The following CNTN4 variants were observed in gnomAD, a reference collection of about 807,000 sequenced individuals.
The protein encoded by CNTN4 is contactin-4.
In CNTN4, 77 loss-of-function variants were observed where a neutral mutation model predicts 122.5. The observed-to-expected ratio is 0.63, with a 90% CI of 0.52 to 0.76. CNTN4 has a LOEUF of 0.76. Among genes scored for constraint, CNTN4 ranks in the 30% least tolerant of loss-of-function variants. The pLI is 0.00. For synonymous variants in CNTN4, 512 were observed against 447.0 expected, an observed-to-expected ratio of 1.15 and a Z score of -1.83; for missense variants, 1,256 against 1,259.1, an observed-to-expected ratio of 1.00 and a Z score of 0.04.
chr3:2,946,143 C>G (rs1031859335), intron 13 of CNTN4, among the ~76,000 whole-genome samples: 2 of 152,086 alleles, frequency 1.3e-5, no homozygotes, highest in African/African-American at 4.8e-5. Context: ...TTTCAGCCAT[C>G]CCTGGGGGAT....
intron 3 of CNTN4, among the ~76,000 whole-genome samples, chr3:2,390,648 A>G (rs924021991): frequency 2.0e-5 from 3 of 152,226 alleles, no homozygotes; most frequent in African/African-American, 7.2e-5. Flanking sequence ...TTTTCTATAC[A>G]GCTACTGGTT....
At chr3:2,973,544 G>A (rs1499138) in intron 13 of CNTN4, among the ~76,000 whole-genome samples, 3,017 of 152,064 alleles carry the variant, frequency 0.02, 69 homozygotes, top group South Asian at 0.12. Flanking sequence ...AGTAATCTCT[G>A]ACCTCTACCC....
chr3:2,854,100 A>G (rs2093590576), intron 7 of CNTN4, among the ~76,000 whole-genome samples: 1 of 152,154 alleles, frequency 6.6e-6, no homozygotes, highest in Non-Finnish European at 1.5e-5. Context: ...AGGTCCAAAT[A>G]AAAGAACAAA....
intron 7 of CNTN4, among the ~76,000 whole-genome samples, chr3:2,834,551 T>C (rs1292370755): frequency 6.6e-6 from 1 of 152,020 alleles, no homozygotes; most frequent in Admixed American, 6.6e-5. Flanking sequence ...TGGGCAACAC[T>C]GCGAGACTCC....
chr3:2,176,345 T>C (rs1299682311), intron 2 of CNTN4, among the ~76,000 whole-genome samples: 1 of 152,162 alleles, frequency 6.6e-6, no homozygotes, highest in African/African-American at 2.4e-5. Flanking sequence ...CTAAATAGAA[T>C]ATATATACCA....
chr3:2,313,138 C>CA (rs1336348690), intron 2 of CNTN4, among the ~76,000 whole-genome samples: 49 of 151,494 alleles, frequency 3.2e-4, no homozygotes, highest in Non-Finnish European at 3.5e-4. Flanking sequence ...GAAATAGAAA[C>CA]AAAAAATAGA....
chr3:2,324,668 A>C (rs1383894953), intron 2 of CNTN4, among the ~76,000 whole-genome samples: 1 of 152,058 alleles, frequency 6.6e-6, no homozygotes, highest in African/African-American at 2.4e-5. Flanking sequence ...CCTACCCCAA[A>C]AGGTAAAGGA....
chr3:2,625,672 C>T (rs2082156910), intron 4 of CNTN4, among the ~76,000 whole-genome samples: 1 of 152,122 alleles, frequency 6.6e-6, no homozygotes. Flanking sequence ...ATCTGTTTAT[C>T]TTATTTTCAC....
At chr3:2,208,776 C>T (rs1293265631) in intron 2 of CNTN4, among the ~76,000 whole-genome samples, 3 of 152,110 alleles carry the variant, frequency 2.0e-5, no homozygotes, top group Non-Finnish European at 2.9e-5. Context: ...TAGTCAGCAG[C>T]CATAATACTG....
At chr3:2,890,338 A>G (rs1401518804) in intron 10 of CNTN4, among the ~76,000 whole-genome samples, 2 of 152,162 alleles carry the variant, frequency 1.3e-5, no homozygotes, top group Non-Finnish European at 2.9e-5. Context: ...TAGGTCTCCA[A>G]TTTAAATGAA....
intron 2 of CNTN4, among the ~76,000 whole-genome samples, chr3:2,178,453 A>T (rs11129013): frequency 0.21 from 24,600 of 117,710 alleles, 3,087 homozygotes; most frequent in East Asian, 0.41. Context: ...TGTGATTTAG[A>T]AAAAAAAAAT....
At chr3:2,957,535 C>T (rs926664615) in intron 13 of CNTN4, among the ~76,000 whole-genome samples, 6 of 152,022 alleles carry the variant, frequency 3.9e-5, no homozygotes, top group African/African-American at 1.5e-4. Context: ...CAGATGACCC[C>T]GTCACGCATG....
At position 2,722,476 on chromosome 3, in the gene CNTN4, C is replaced by T. The variant is rs538334821; in HGVS notation, c.56-13739C>T. ...AGAAGGTCACAGTCATCCACCTTCT[C>T]TGTGGCTAGAGGTGTATGGGAAGGG... On this transcript the variant is annotated intron_variant, in intron 4 of 24. Coordinates refer to ENST00000418658, the MANE Select transcript of CNTN4 (RefSeq NM_175607.3). Among the ~76,000 whole-genome samples, 14 of 152,292 alleles carry T rather than the reference C, an allele frequency of 9.2e-5. 1 individual carries two copies. The South Asian group carries it at 2.9e-3, about 32-fold the overall frequency.
chr3:2,377,300 A>T (rs1184250547), intron 3 of CNTN4, among the ~76,000 whole-genome samples: 1 of 152,198 alleles, frequency 6.6e-6, no homozygotes. Context: ...AATGGGTTGC[A>T]TTGAACTCTC....
chr3:2,585,688 G>A, intron 4 of CNTN4, among the ~76,000 whole-genome samples: 1 of 129,908 alleles, frequency 7.7e-6, no homozygotes, highest in Non-Finnish European at 1.6e-5. Context: ...GGGGCCTGTT[G>A]TGGGGTGGGG....
Position 2,483,113 on chromosome 3 carries a change from C to T in CNTN4, c.-88-88303C>T, listed in dbSNP as rs548921265. Reference sequence around the variant, plus strand: ...AGGAGGGGTGCTATACCCTGCAAAGCCATAGGGGTAGAGCTGCCCAAGGCT... The same window carrying T: ...AGGAGGGGTGCTATACCCTGCAAAGTCATAGGGGTAGAGCTGCCCAAGGCT... On this transcript the variant is annotated intron_variant, in intron 3 of 24. Transcript: ENST00000418658. 1.6e-4 allele frequency among the ~76,000 whole-genome samples: 25 copies of T among 152,284 alleles called. No homozygotes were observed. In the South Asian group the frequency reaches 3.9e-3, roughly 24 times the overall value.
chr3:2,159,049 G>A (rs2035843379), intron 2 of CNTN4, among the ~76,000 whole-genome samples: 1 of 152,116 alleles, frequency 6.6e-6, no homozygotes, highest in African/African-American at 2.4e-5. Context: ...GCGAGTGGGA[G>A]AAAATGAAGG....
At chr3:2,387,634 C>A (rs1020590835) in intron 3 of CNTN4, among the ~76,000 whole-genome samples, 17 of 151,852 alleles carry the variant, frequency 1.1e-4, no homozygotes, top group African/African-American at 3.6e-4. Context: ...TGATCATAAA[C>A]CTAAAGATAG....
At chr3:2,684,011 C>T (rs1878183) in intron 4 of CNTN4, among the ~76,000 whole-genome samples, 1 of 152,152 alleles carries the variant, frequency 6.6e-6, no homozygotes, top group Admixed American at 6.6e-5. Context: ...AAGAATCAAC[C>T]TTACAGGCAG....
Sources: gnomAD v4.1 joint callset for allele counts (sites outside exome capture counted in the v4.1 genomes callset) on GRCh38, gnomAD v4.1.1 for gene constraint, MANE v1.5 for transcripts, NCBI Gene and HGNC (gene_info 2026-07-23, HGNC 2026-07-21) for gene names.